CRB2: variants seen among roughly 807,000 people sequenced by gnomAD.
The protein encoded by CRB2 is protein crumbs homolog 2.
CRB2 carries 85 observed loss-of-function variants against 110.9 expected under a neutral mutation model. The ratio of observed to expected loss-of-function variants is 0.77; its 90% CI spans 0.64 to 0.92. The LOEUF is 0.92. Ranked by LOEUF, CRB2 falls within the 40% of genes least tolerant of loss-of-function variation. CRB2 has a pLI of 0.00. For missense variants in CRB2, 1,843 were observed against 1,851.3 expected, an observed-to-expected ratio of 1.00 and a Z score of 0.08; for synonymous variants, 907 against 831.0, an observed-to-expected ratio of 1.09 and a Z score of -1.57.
intron 1 of CRB2, among the ~76,000 whole-genome samples, chr9:123,362,325 G>A (rs996403644): frequency 1.3e-5 from 2 of 152,056 alleles, no homozygotes; most frequent in Non-Finnish European, 2.9e-5. Context: ...AGTGGGAGGA[G>A]CCTCACCCTC....
intron 1 of CRB2, among the ~76,000 whole-genome samples, chr9:123,361,375 A>G (rs900515145): frequency 3.3e-5 from 5 of 152,198 alleles, no homozygotes; most frequent in Admixed American, 2.0e-4. Context: ...ACAAACCAGG[A>G]CTGCCCGATG....
rs891247429 is a variant in CRB2, at chr9:123,359,450, T to G, written c.94+3096T>G. Among the ~76,000 whole-genome samples the G allele has an allele frequency of 1.9e-3, 258 of 138,872 alleles. 8 individuals carry two copies. Among genetic ancestry groups the G allele is most frequent in the African/African-American group, 4.1e-3 (147 of 35,496 alleles). 91.1% of individuals were successfully genotyped at this position (138,872 alleles called of 152,430 possible). A position where few individuals can be genotyped will look rare whatever the true frequency, so the allele number is the denominator to read the frequency against. Reference sequence around the variant, plus strand: ...TTTTCGTTTTTGTTTTGTTTTTTTTTTTTTTTTTTTTTTTTTAAGAAAGGG... The same window carrying G: ...TTTTCGTTTTTGTTTTGTTTTTTTTGTTTTTTTTTTTTTTTTAAGAAAGGG... On this transcript the variant is annotated intron_variant, in intron 1 of 12. Transcript: ENST00000373631.
chr9:123,355,694 C>T (rs2041789424), upstream of CRB2, among the ~76,000 whole-genome samples: 1 of 119,378 alleles, frequency 8.4e-6, no homozygotes, highest in Non-Finnish European at 1.7e-5. Context: ...TGGGAGGTGC[C>T]TTGGCTCCGA....
chr9:123,372,104 C>A, intron 8 of CRB2, 73 bp from the exon 9 acceptor site: 1 of 1,455,266 alleles, frequency 6.9e-7, no homozygotes, highest in Non-Finnish European at 9.6e-7. Flanking sequence ...AGCGAAGAAG[C>A]ACTGCAATGC....
In CRB2 at chr9:123,373,911, C is replaced by T. The variant is rs781770011; in HGVS notation, c.3380C>T (p.Pro1127Leu). ...ECRCPPGFGG[P>L]RCRLPVPSKE... ...CGCTGCCCGCCTGGCTTCGGGGGCC[C>T]GCGCTGCAGGTGGGATGGCTGGGCA... is the stretch of plus-strand genomic sequence containing the variant. Residue 1127 changes from proline to leucine, a missense_variant, in exon 10 of 13, where the codon CCG becomes CTG. Pro to Leu is a moderately conservative substitution (Grantham distance 98, BLOSUM62 -3). Transcript: ENST00000373631. The T allele has an allele frequency of 2.2e-5, 34 of 1,549,242 alleles. No homozygotes were observed. Among genetic ancestry groups the T allele is most frequent in the African/African-American group, 1.1e-4 (8 of 73,060 alleles).
Position 123,371,146 on chromosome 9 carries a change from C to T in CRB2, c.2004C>T (p.Pro668=), listed in dbSNP as rs562412198. The change falls in exon 8 of 13, where the codon CCC becomes CCT. Residue 668 remains proline, a synonymous_variant. Coordinates refer to ENST00000373631, the MANE Select transcript of CRB2 (RefSeq NM_173689.7). ...TTCTGCTCCAAGAGCTGCCAGGTCC[C>T]AACCTCACAGTGTCTTTCCTTCTCC... ...ASFLLQELPG[P]NLTVSFLLRT... 163 of 1,613,680 alleles carry T rather than the reference C, an allele frequency of 1.0e-4. 2 individuals carry two copies. In the South Asian group the frequency reaches 1.7e-3, roughly 17 times the overall value.
intron 6 of CRB2, 46 bp downstream of exon 6, chr9:123,367,732 C>G: frequency 7.8e-7 from 1 of 1,285,448 alleles, no homozygotes; most frequent in Non-Finnish European, 1.1e-6. Context: ...ATTGGTGGTC[C>G]TCAGGTGAGA....
At position 123,374,699 on chromosome 9, in the gene CRB2, G is replaced by C. The variant is rs781125977; in HGVS notation, c.3506+4G>C. On this transcript the variant is annotated splice_donor_region_variant and intron_variant, in intron 11 of 12. Transcript: ENST00000373631. ...TGGAGGGTCTTGCTGGCCAGAGGTG[G>C]GTCTGGGGGCCTGGGAACTGTGAGG... 1 of 1,600,576 alleles carries C rather than the reference G, an allele frequency of 6.2e-7. No individual in the cohort carries two copies. Among genetic ancestry groups the C allele is most frequent in the Admixed American group, 1.7e-5 (1 of 59,892 alleles).
At position 123,376,913 on chromosome 9, in the gene CRB2, C is replaced by G. The variant is rs373603388; in HGVS notation, c.3709C>G (p.Leu1237Val). The change falls in exon 13 of 13, where the codon CTC (leucine) becomes GTC (valine). Residue 1237 changes from leucine to valine, a missense_variant. By Grantham distance (32) the Leu-to-Val change is conservative. Transcript: ENST00000373631. Reference sequence around the variant, plus strand: ...TGCAGCCTGTGCCTGCCTCCTCCTCCTCCTCCTGGGCCTCCTTTCAGGGAT... The same window carrying G: ...TGCAGCCTGTGCCTGCCTCCTCCTCGTCCTCCTGGGCCTCCTTTCAGGGAT... Reference protein sequence around the residue: ...VPAACACLLLLLLGLLSGILA... With the variant: ...VPAACACLLLVLLGLLSGILA... The G allele has an allele frequency of 7.5e-6, 12 of 1,608,946 alleles. No individual in the cohort carries two copies. The East Asian group carries it at 2.7e-4, about 36-fold the overall frequency.
chr9:123,370,481 T>G lies in CRB2; in HGVS notation c.1428T>G (p.Thr476=), dbSNP rs142345530. The G allele has an allele frequency of 2.2e-3, 3,488 of 1,613,474 alleles. 22 individuals are homozygous for G. The highest frequency in any genetic ancestry group is 0.018 in the Middle Eastern group (112 of 6,062). Residue 476 remains threonine (T), a synonymous_variant, in exon 7 of 13, where the codon ACT becomes ACG. Transcript: ENST00000373631. ...CACTGCCCGCTGGGACCTTGGCCAC[T>G]CGCAATGACACCAAGGAAAGCTTGG... is the stretch of plus-strand genomic sequence containing the variant. ...RTTLPAGTLA[T]RNDTKESLEL...
chr9:123,376,218 C>T (rs1235837732), intron 12 of CRB2, among the ~76,000 whole-genome samples: 1 of 152,132 alleles, frequency 6.6e-6, no homozygotes, highest in African/African-American at 2.4e-5. Context: ...GGCTGGGAAG[C>T]CTGGAGGTAC....
rs140348855 is a variant in CRB2, at chr9:123,372,184, C to T, written c.2444C>T (p.Pro815Leu). The stretch of plus-strand genomic sequence containing the variant: ...GCCCTGCCTCTCCCACAGCCTGACC[C>T]CTGTTTCAATGGTGGGACTTGCCTC... ...CVSEDMCSPD[P>L]CFNGGTCLVT... is the part of the protein sequence containing the mutation. The change falls in exon 9 of 13, where the codon CCC becomes CTC. Residue 815 changes from proline to leucine, a missense_variant. Physicochemically the swap from Pro to Leu is moderately conservative, Grantham distance 98 (BLOSUM62 -3). Transcript: ENST00000373631. 4 of 1,614,094 alleles carry T rather than the reference C, an allele frequency of 2.5e-6. No individual in the cohort carries two copies. The highest frequency in any genetic ancestry group is 3.4e-6 in the Non-Finnish European group (4 of 1,180,008).
chr9:123,365,449 T>C (rs2041917841), intron 2 of CRB2, among the ~76,000 whole-genome samples: 1 of 152,112 alleles, frequency 6.6e-6, no homozygotes, highest in African/African-American at 2.4e-5. Context: ...TAACCCCGCC[T>C]AGGGCATCAT....
At chr9:123,369,816 T>C (rs1443307682) in intron 6 of CRB2, among the ~76,000 whole-genome samples, 1 of 151,964 alleles carries the variant, frequency 6.6e-6, no homozygotes, top group East Asian at 1.9e-4. Context: ...GGATGCGGGA[T>C]GGTAGCCCAG....
Position 123,366,121 on chromosome 9 carries a change from G to C in CRB2, c.614+9G>C, listed in dbSNP as rs777240138. 3 of 1,426,858 alleles carry C rather than the reference G, an allele frequency of 2.1e-6. No individual in the cohort carries two copies. The highest frequency in any genetic ancestry group is 2.7e-6 in the Non-Finnish European group (3 of 1,096,566). 88.4% of individuals were successfully genotyped at this position (1,426,858 alleles called of 1,614,324 possible). A position where few individuals can be genotyped will look rare whatever the true frequency, so the allele number is the denominator to read the frequency against. On this transcript the variant is annotated intron_variant, in intron 3 of 12. Transcript: ENST00000373631. Reference sequence around the variant, plus strand: ...CACGACCTGGTCAACGGGTGAGCGAGCGGCGGGGCAGGCGGCAGGGGCGCC... The same window carrying C: ...CACGACCTGGTCAACGGGTGAGCGACCGGCGGGGCAGGCGGCAGGGGCGCC...
chr9:123,373,015 T>A (rs1321332616), intron 9 of CRB2, 119 bp from the exon 10 acceptor site: 17 of 757,904 alleles, frequency 2.2e-5, no homozygotes, highest in Non-Finnish European at 3.2e-5. Flanking sequence ...AGATGATAGG[T>A]GGGTGCGTGT....
At chr9:123,358,467 AAGCAGAGATGG>A (rs1159296408) in intron 1 of CRB2, among the ~76,000 whole-genome samples, 1 of 152,240 alleles carries the variant, frequency 6.6e-6, no homozygotes, top group Non-Finnish European at 1.5e-5. Flanking sequence ...TGCAGGACAG[AAGCAGAGATGG>A]AGCAGAAAGC....
chr9:123,362,676 T>G (rs925959619), intron 1 of CRB2, among the ~76,000 whole-genome samples, 189 bp from the exon 2 acceptor site: 5 of 152,210 alleles, frequency 3.3e-5, no homozygotes, highest in African/African-American at 1.2e-4. Context: ...CCTAAAACCG[T>G]TCCCAGTTCT....
downstream of CRB2, among the ~76,000 whole-genome samples, chr9:123,379,082 G>A (rs1423081115): frequency 6.6e-6 from 1 of 150,506 alleles, no homozygotes; most frequent in Non-Finnish European, 1.5e-5. Flanking sequence ...TGGGATGACA[G>A]GTGTGAGCCA....
Sources: gnomAD v4.1 joint callset for allele counts (sites outside exome capture counted in the v4.1 genomes callset) on GRCh38, gnomAD v4.1.1 for gene constraint, MANE v1.5 for transcripts, NCBI Gene and HGNC (gene_info 2026-07-23, HGNC 2026-07-21) for gene names.